NAV2: variants seen among roughly 807,000 people sequenced by gnomAD.
The protein encoded by NAV2 is neuron navigator 2.
NAV2 carries 54 observed loss-of-function variants against 223.2 expected under a neutral mutation model. That is an observed-to-expected ratio of 0.24 (90% confidence interval 0.19 to 0.30). NAV2 has a LOEUF of 0.30. Among genes scored for constraint, NAV2 ranks in the 10% least tolerant of loss-of-function variants. The probability of loss-of-function intolerance (pLI) is 1.00; values close to 1 mark genes in which losing one functional copy is unlikely to be tolerated. For synonymous variants in NAV2, 1,279 were observed against 1,239.3 expected, an observed-to-expected ratio of 1.03 and a Z score of -0.67; for missense variants, 2,806 against 3,147.5, an observed-to-expected ratio of 0.89 and a Z score of 2.60.
chr11:19,778,950 A>T (rs534252828), intron 1 of NAV2, among the ~76,000 whole-genome samples: 11 of 152,312 alleles, frequency 7.2e-5, no homozygotes, highest in African/African-American at 2.6e-4. Context: ...TGCTTTTTTA[A>T]AAAGAAGAAA....
intron 16 of NAV2, 129 bp downstream of exon 16, chr11:20,050,030 CTG>C (rs2057824547): frequency 1.3e-6 from 1 of 780,006 alleles, no homozygotes; most frequent in Admixed American, 2.0e-5. Flanking sequence ...CTAGTGTACT[CTG>C]TGACACATGG....
chr11:20,091,361 G>A lies in NAV2; in HGVS notation c.5652+343G>A, dbSNP rs547296997. On this transcript the variant is annotated intron_variant, in intron 27 of 37. Transcript: ENST00000349880. ...CAGCTCCTCTTCCCAGAATCTACTCGCCAGCCAGATGGAGTCGCTGACTGC... is the reference window on the plus strand; with the variant it reads ...CAGCTCCTCTTCCCAGAATCTACTCACCAGCCAGATGGAGTCGCTGACTGC... Among the ~76,000 whole-genome samples, 21 of 152,118 alleles carry A rather than the reference G, an allele frequency of 1.4e-4. No individual in the cohort carries two copies. The South Asian group carries it at 3.3e-3, about 24-fold the overall frequency.
chr11:20,045,082 C>A lies in NAV2; in HGVS notation c.3314C>A (p.Pro1105His). ...GRSSGDESKK[P>H]LPSSSRTPTA... The stretch of plus-strand genomic sequence containing the variant: ...AGCAGTGGTGACGAATCCAAAAAGC[C>A]CCTCCCCAGCAGCTCTAGGACACCT... The change falls in exon 14 of 38, where the codon CCC becomes CAC. Residue 1105 changes from proline to histidine, a missense_variant. Transcript: ENST00000349880. 1.9e-6 allele frequency: 3 copies of A among 1,614,152 alleles called. No homozygotes were observed.
chr11:20,091,885 A>G (rs1370829214), intron 27 of NAV2, among the ~76,000 whole-genome samples: 1 of 152,200 alleles, frequency 6.6e-6, no homozygotes, highest in Non-Finnish European at 1.5e-5. Flanking sequence ...CCTGCAGGAA[A>G]GAAGCCTGTA....
At chr11:19,897,409 A>T (rs2153171763) in intron 6 of NAV2, among the ~76,000 whole-genome samples, 1 of 152,328 alleles carries the variant, frequency 6.6e-6, no homozygotes, top group Non-Finnish European at 1.5e-5. Flanking sequence ...TAAAAATTGT[A>T]ACAGGCAACT....
intron 1 of NAV2, among the ~76,000 whole-genome samples, chr11:19,424,820 G>C (rs1318293204): frequency 2.0e-5 from 3 of 152,144 alleles, no homozygotes; most frequent in Non-Finnish European, 2.9e-5. Context: ...CAAAGCGCTA[G>C]GATTACAGGC....
intron 24 of NAV2, among the ~76,000 whole-genome samples, chr11:20,078,840 C>G (rs2059920749): frequency 6.6e-6 from 1 of 152,138 alleles, no homozygotes; most frequent in Non-Finnish European, 1.5e-5. Context: ...GCTCTTATAA[C>G]AATAATATTA....
At chr11:19,817,060 A>G (rs745605636) in intron 1 of NAV2, among the ~76,000 whole-genome samples, 59 of 152,114 alleles carry the variant, frequency 3.9e-4, no homozygotes, top group Admixed American at 2.2e-3. Flanking sequence ...TCCTTAAACT[A>G]CCCACCACCC....
At chr11:19,431,787 T>G (rs1851045656) in intron 1 of NAV2, among the ~76,000 whole-genome samples, 1 of 152,224 alleles carries the variant, frequency 6.6e-6, no homozygotes, top group African/African-American at 2.4e-5. Flanking sequence ...TTTGCACATA[T>G]AGGTGCAAGG....
chr11:19,538,373 C>T (rs532683735), intron 1 of NAV2, among the ~76,000 whole-genome samples: 1 of 152,138 alleles, frequency 6.6e-6, no homozygotes, highest in Admixed American at 6.5e-5. Context: ...CAGGGTCTTG[C>T]TCTTTCACCC....
intron 29 of NAV2, 57 bp downstream of exon 29, chr11:20,093,256 G>T (rs1388922894): frequency 3.5e-6 from 4 of 1,148,486 alleles, no homozygotes; most frequent in Non-Finnish European, 5.3e-6. Context: ...GAACTACCTA[G>T]CTTAGTGATC....
At chr11:19,740,741 G>A (rs994232289) in intron 1 of NAV2, among the ~76,000 whole-genome samples, 4 of 152,064 alleles carry the variant, frequency 2.6e-5, no homozygotes, top group Admixed American at 6.6e-5. Flanking sequence ...ACTGTATCTC[G>A]GGCATGTTAT....
intron 1 of NAV2, among the ~76,000 whole-genome samples, chr11:19,540,535 G>T (rs1263633825): frequency 6.6e-6 from 1 of 152,158 alleles, no homozygotes; most frequent in Non-Finnish European, 1.5e-5. Flanking sequence ...CACCTGGTAA[G>T]TTGCAGAACC....
chr11:19,389,331 G>A (rs534863642), intron 1 of NAV2, among the ~76,000 whole-genome samples: 48 of 152,316 alleles, frequency 3.2e-4, no homozygotes, highest in African/African-American at 1.1e-3. Flanking sequence ...GTCTTATGGA[G>A]ACAAGCAAAT....
intron 1 of NAV2, among the ~76,000 whole-genome samples, chr11:19,776,176 C>T (rs1378284535): frequency 6.6e-6 from 1 of 152,182 alleles, no homozygotes; most frequent in African/African-American, 2.4e-5. Context: ...AAATCAGAAA[C>T]AAGTTCCGAG....
At chr11:19,800,675 GTGTGT>G (rs1187409646) in intron 1 of NAV2, among the ~76,000 whole-genome samples, 5 of 109,926 alleles carry the variant, frequency 4.5e-5, no homozygotes, top group Non-Finnish European at 7.9e-5. Flanking sequence ...GAGAATGGGT[GTGTGT>G]GTGTGTGTGT....
chr11:20,103,608 C>A, intron 33 of NAV2, 45 bp from the exon 34 acceptor site: 1 of 1,600,314 alleles, frequency 6.2e-7, no homozygotes, highest in South Asian at 1.1e-5. Context: ...TGTTCTCTAG[C>A]TTGGCTTGGA....
intron 1 of NAV2, among the ~76,000 whole-genome samples, chr11:19,375,711 C>T (rs1168639121): frequency 1.3e-5 from 2 of 152,144 alleles, no homozygotes; most frequent in Non-Finnish European, 1.5e-5. Flanking sequence ...GTGTTCAGGT[C>T]CCGTCACACT....
rs767534840 is a variant in NAV2 at position 20,105,803 on chromosome 11, CA to C, written c.6841+77del. 65 of 1,178,388 alleles carry C rather than the reference CA, an allele frequency of 5.5e-5. 1 individual carries two copies. The highest frequency in any genetic ancestry group is 8.0e-5 in the Non-Finnish European group (65 of 813,062). 73.0% of individuals were successfully genotyped at this position (1,178,388 alleles called of 1,614,324 possible). On this transcript the variant is annotated intron_variant, in intron 35 of 37. Coordinates refer to ENST00000349880, the MANE Select transcript of NAV2 (RefSeq NM_145117.5). ...ATCCTCTGGGCCCTGGCCAGGACAGCACTTTGCAGGCACAGTCAGCAGAAGC... is the reference window on the plus strand; with the variant it reads ...ATCCTCTGGGCCCTGGCCAGGACAGCCTTTGCAGGCACAGTCAGCAGAAGC...
Sources: gnomAD v4.1 joint callset for allele counts (sites outside exome capture counted in the v4.1 genomes callset) on GRCh38, gnomAD v4.1.1 for gene constraint, MANE v1.5 for transcripts, NCBI Gene and HGNC (gene_info 2026-07-23, HGNC 2026-07-21) for gene names.